Variants in MARK3 observed in about 807,000 individuals in gnomAD.
The protein encoded by MARK3 is MAP/microtubule affinity-regulating kinase 3.
A neutral mutation model predicts 90.1 loss-of-function variants in MARK3; 46 were observed. That is an observed-to-expected ratio of 0.51 (90% CI 0.40 to 0.65). The LOEUF (loss-of-function observed/expected upper bound fraction) is 0.65. Ranked by LOEUF, MARK3 falls within the 30% of genes least tolerant of loss-of-function variation. MARK3 has a pLI of 0.00. For synonymous variants in MARK3, 321 were observed against 332.6 expected, an observed-to-expected ratio of 0.97 and a Z score of 0.38; for missense variants, 818 against 947.2, an observed-to-expected ratio of 0.86 and a Z score of 1.79.
rs547743059 is a variant in MARK3 at position 103,414,559 on chromosome 14, G to A, written c.243+9292G>A. Among the ~76,000 whole-genome samples the A allele has an allele frequency of 2.7e-4, 41 of 152,286 alleles. 1 individual carries two copies. In the South Asian group the frequency reaches 2.9e-3, roughly 11 times the overall value. ...ATTTTTGTCAGCGTTCTCTTGCCCT[G>A]TGATGGGAACGTGATGTATCTTGCC... is the stretch of plus-strand genomic sequence containing the variant. On this transcript the variant is annotated intron_variant, in intron 2 of 17. Transcript: ENST00000429436.
chr14:103,448,657 C>G (rs188489031), intron 3 of MARK3, among the ~76,000 whole-genome samples: 1 of 152,134 alleles, frequency 6.6e-6, no homozygotes, highest in African/African-American at 2.4e-5. Context: ...TTGTAAAATT[C>G]AGAGTATGTT....
chr14:103,452,629 G>T (rs566204407), intron 5 of MARK3, among the ~76,000 whole-genome samples: 1 of 150,750 alleles, frequency 6.6e-6, no homozygotes, highest in Non-Finnish European at 1.5e-5. Flanking sequence ...CCGCTACTAC[G>T]CCCGGCTAAT....
At chr14:103,395,593 C>A (rs1242737411) in intron 1 of MARK3, among the ~76,000 whole-genome samples, 2 of 152,124 alleles carry the variant, frequency 1.3e-5, no homozygotes, top group Non-Finnish European at 2.9e-5. Context: ...ATTTTCTTCC[C>A]CTTGGTTCAC....
intron 14 of MARK3, among the ~76,000 whole-genome samples, chr14:103,487,201 G>A (rs953114049): frequency 1.3e-5 from 2 of 150,048 alleles, no homozygotes; most frequent in Admixed American, 1.3e-4. Context: ...ACAGGCGTGG[G>A]CCACCACGCC....
chr14:103,405,196 C>A lies in MARK3; in HGVS notation c.172C>A (p.Leu58Met). 6.3e-7 allele frequency: 1 copy of A among 1,590,400 alleles called. No homozygotes were observed. Reference sequence around the variant, plus strand: ...ACAACCTCACATCGGAAACTACAGACTGTTGAAAACAATCGGCAAGGGGAA... The same window carrying A: ...ACAACCTCACATCGGAAACTACAGAATGTTGAAAACAATCGGCAAGGGGAA... ...DEQPHIGNYR[L>M]LKTIGKGNFA... The change falls in exon 2 of 18, where the codon CTG becomes ATG. Residue 58 changes from leucine to methionine, a missense_variant. Physicochemically the swap from Leu to Met is conservative, Grantham distance 15 (BLOSUM62 2). Coordinates refer to ENST00000429436, the MANE Select transcript of MARK3 (RefSeq NM_001128918.3).
rs1464349417 is a variant in MARK3 at position 103,433,740 on chromosome 14, C to T, written c.297+5300C>T. Among the ~76,000 whole-genome samples the T allele has an allele frequency of 5.3e-5, 8 of 152,100 alleles. No homozygotes were observed. The East Asian group carries it at 1.5e-3, about 29-fold the overall frequency. On this transcript the variant is annotated intron_variant, in intron 3 of 17. Coordinates refer to ENST00000429436, the MANE Select transcript of MARK3 (RefSeq NM_001128918.3). ...GGGAAATTAGCTGTTATCTCCTTTT[C>T]TTCTGATTTCTAGGAAGGTCAGATA...
At chr14:103,450,204 A>G (rs188210551) in intron 4 of MARK3, among the ~76,000 whole-genome samples, 160 of 152,242 alleles carry the variant, frequency 1.1e-3, no homozygotes, top group African/African-American at 3.8e-3. Flanking sequence ...CCACGGAACA[A>G]CTTCATAGTT....
chr14:103,493,874 C>CA (rs539464779), intron 15 of MARK3, among the ~76,000 whole-genome samples: 40,438 of 87,372 alleles, frequency 0.46, 7,660 homozygotes, highest in Middle Eastern at 0.59. Context: ...GACTGTGTCT[C>CA]AAAAAAAAAA....
At chr14:103,414,779 A>G (rs1208569909) in intron 2 of MARK3, among the ~76,000 whole-genome samples, 1 of 152,158 alleles carries the variant, frequency 6.6e-6, no homozygotes, top group African/African-American at 2.4e-5. Context: ...TTTCTGAAAG[A>G]AGGGAGTAGG....
In MARK3 at chr14:103,444,229, C is replaced by G. The variant is rs1001881011; in HGVS notation, c.298-4690C>G. Among the ~76,000 whole-genome samples the G allele has an allele frequency of 2.0e-5, 3 of 151,218 alleles. No homozygotes were observed. In the East Asian group the frequency reaches 5.8e-4, roughly 29 times the overall value. On this transcript the variant is annotated intron_variant, in intron 3 of 17. Coordinates refer to ENST00000429436, the MANE Select transcript of MARK3 (RefSeq NM_001128918.3). ...TATTGGGACATGTTTCTTTACTTCT[C>G]TGATACCGTAGATTTAGTGTCCTTG...
intron 1 of MARK3, among the ~76,000 whole-genome samples, chr14:103,404,669 G>A (rs764776321): frequency 1.3e-5 from 2 of 152,146 alleles, no homozygotes; most frequent in Non-Finnish European, 2.9e-5. Flanking sequence ...CCCCTGAACA[G>A]TTATGTGGCT....
Position 103,440,918 on chromosome 14 carries a change from A to G in MARK3, c.298-8001A>G, listed in dbSNP as rs548398851. Among the ~76,000 whole-genome samples the G allele has an allele frequency of 5.4e-5, 8 of 149,412 alleles. No individual in the cohort carries two copies. The South Asian group carries it at 1.7e-3, about 32-fold the overall frequency. On this transcript the variant is annotated intron_variant, in intron 3 of 17. Transcript: ENST00000429436. ...ACCACTGCACTCCAGCCAGGGTAAC[A>G]GAGCAGGAGCCCCTCTTAAAAAAAA...
chr14:103,484,434 A>G (rs773142674), intron 14 of MARK3, among the ~76,000 whole-genome samples: 19 of 152,174 alleles, frequency 1.2e-4, no homozygotes, highest in Non-Finnish European at 2.2e-4. Flanking sequence ...TGGCCTCCCA[A>G]AGTGCTGTGA....
At chr14:103,403,053 C>T (rs1022683786) in intron 1 of MARK3, among the ~76,000 whole-genome samples, 2 of 150,130 alleles carry the variant, frequency 1.3e-5, no homozygotes, top group African/African-American at 4.9e-5. Context: ...CCACCCCATC[C>T]CTGCCCCTCA....
intron 10 of MARK3, 100 bp from the exon 11 acceptor site, chr14:103,466,979 G>A (rs979298443): frequency 2.3e-5 from 13 of 563,620 alleles, no homozygotes; most frequent in Non-Finnish European, 3.6e-5. Context: ...ACTCCAGCCT[G>A]GGCAACAAGA....
Position 103,452,471 on chromosome 14 carries a change from C to CTTT in MARK3, c.412+504_412+506dup, listed in dbSNP as rs71126026. ...ACAAGTGGAATTTTACAGGATTTGT[C>CTTT]TTTTTTTTTTTTTTTTTTGAGACGG... On this transcript the variant is annotated intron_variant, in intron 5 of 17. Coordinates refer to ENST00000429436, the MANE Select transcript of MARK3 (RefSeq NM_001128918.3). Among the ~76,000 whole-genome samples the CTTT allele has an allele frequency of 5.2e-3, 508 of 97,468 alleles. 54 individuals are homozygous for CTTT. Among genetic ancestry groups the CTTT allele is most frequent in the Middle Eastern group, 0.014 (2 of 138 alleles). The allele number at this position is 97,468 out of a possible 152,430, so 63.9% of individuals were successfully genotyped here. A position where few individuals can be genotyped will look rare whatever the true frequency, so the allele number is the denominator to read the frequency against.
At chr14:103,447,760 T>C (rs1400591899) in intron 3 of MARK3, among the ~76,000 whole-genome samples, 2 of 151,978 alleles carry the variant, frequency 1.3e-5, no homozygotes, top group African/African-American at 4.8e-5. Flanking sequence ...GCTCTGCTGG[T>C]CTTGGTTGGA....
chr14:103,457,796 A>G (rs2093307480), intron 6 of MARK3, among the ~76,000 whole-genome samples: 1 of 152,270 alleles, frequency 6.6e-6, no homozygotes. Flanking sequence ...GGTAAATCTT[A>G]CAGCTGCCTT....
In MARK3 at chr14:103,398,800, G is replaced by A. The variant is rs545120141; in HGVS notation, c.52-6276G>A. Among the ~76,000 whole-genome samples the A allele has an allele frequency of 7.9e-5, 12 of 152,304 alleles. No homozygotes were observed. The South Asian group carries it at 2.5e-3, about 32-fold the overall frequency. On this transcript the variant is annotated intron_variant, in intron 1 of 17. Transcript: ENST00000429436. ...AATATTTCTAAAGTACAAAATACTT[G>A]GAGGACAGCCATTTATTGTCACAAC...
Sources: allele counts gnomAD v4.1 joint callset (sites outside exome capture counted in the v4.1 genomes callset), GRCh38; gene constraint gnomAD v4.1.1; transcripts MANE v1.5; gene names NCBI Gene and HGNC (gene_info 2026-07-23, HGNC 2026-07-21).